Variants in OTUD6A observed in about 807,000 individuals in gnomAD.
OTUD6A encodes the protein OTU domain-containing protein 6A.
For synonymous variants in OTUD6A, 138 were observed against 120.2 expected (o/e 1.15, Z -0.97); for missense variants, 209 against 268.2 (o/e 0.78, Z 1.54).
At position 70,062,569 on chromosome X, in the gene OTUD6A, C is replaced by T. The variant is rs2020453955; in HGVS notation, c.45C>T (p.His15=). The T allele has an allele frequency of 1.7e-6, 2 of 1,207,871 alleles. No individual in the cohort carries two copies. Among genetic ancestry groups the T allele is most frequent in the South Asian group, 3.6e-5 (2 of 56,331 alleles). ...KSEQQRILRR[H]QRERQELQAQ... ...AACAGCAGCGCATACTGCGCCGCCA[C>T]CAACGCGAGAGGCAGGAGCTGCAGG... The change falls in exon 1 of 1, where the codon CAC becomes CAT. Residue 15 remains histidine (H), a synonymous_variant. Transcript: ENST00000338352.
rs757051283 is a variant in OTUD6A, at chrX:70,063,480, C to G, written c.*89C>G. The stretch of plus-strand genomic sequence containing the variant: ...GTTTATTTTCCCCTTTTGCTTTTCT[C>G]TGTTTTTCTTTTCCTTCCTTTTAAT... On this transcript the variant is annotated 3_prime_UTR_variant, in exon 1 of 1. Coordinates refer to ENST00000338352, the MANE Select transcript of OTUD6A (RefSeq NM_207320.3). The G allele has an allele frequency of 1.2e-4, 119 of 1,016,235 alleles. No individual in the cohort carries two copies. Among genetic ancestry groups the G allele is most frequent in the Non-Finnish European group, 1.7e-5 (13 of 773,853 alleles). The allele number at this position is 1,016,235 out of a possible 1,213,427, so 83.7% of individuals were successfully genotyped here. A position where few individuals can be genotyped will look rare whatever the true frequency, so the allele number is the denominator to read the frequency against.
rs756364762 is a variant in OTUD6A, at chrX:70,063,216, C to A, written c.692C>A (p.Thr231Asn). 1.7e-6 allele frequency: 2 copies of A among 1,211,649 alleles called. No individual in the cohort carries two copies. Among genetic ancestry groups the A allele is most frequent in the Non-Finnish European group, 2.2e-6 (2 of 895,598 alleles). Reference sequence around the variant, plus strand: ...AGGGCCCTGTCGCACGTCCTGAAGACCCCCATCGAGGTGATCCAGGCCGAC... The same window carrying A: ...AGGGCCCTGTCGCACGTCCTGAAGAACCCCATCGAGGTGATCCAGGCCGAC... ...ELRALSHVLK[T>N]PIEVIQADSP... Residue 231 changes from threonine (T) to asparagine (N), a missense_variant, in exon 1 of 1, where the codon ACC becomes AAC. Coordinates refer to ENST00000338352, the MANE Select transcript of OTUD6A (RefSeq NM_207320.3).
chrX:70,062,738 A>G lies in OTUD6A; in HGVS notation c.214A>G (p.Ile72Val), dbSNP rs2020455177. Residue 72 changes from isoleucine (I) to valine (V), a missense_variant, in exon 1 of 1, where the codon ATT (isoleucine) becomes GTT (valine). By Grantham distance (29) the Ile-to-Val change is conservative. Coordinates refer to ENST00000338352, the MANE Select transcript of OTUD6A (RefSeq NM_207320.3). Reference protein sequence around the residue: ...ELEKFQDDSSIESVVEDLAKM... With the variant: ...ELEKFQDDSSVESVVEDLAKM... The stretch of plus-strand genomic sequence containing the variant: ...GGAGAAGTTCCAAGACGACAGTAGC[A>G]TTGAATCTGTCGTCGAAGACCTGGC... 1 of 1,208,820 alleles carries G rather than the reference A, an allele frequency of 8.3e-7. No individual in the cohort carries two copies.
In OTUD6A at chrX:70,063,110, G is replaced by A. The variant is rs977311840; in HGVS notation, c.586G>A (p.Asp196Asn). 4 of 1,211,210 alleles carry A rather than the reference G, an allele frequency of 3.3e-6. No individual in the cohort carries two copies. The East Asian group carries it at 8.9e-5, about 27-fold the overall frequency. Residue 196 changes from aspartate (D) to asparagine (N), a missense_variant, in exon 1 of 1, where the codon GAC becomes AAC. Coordinates refer to ENST00000338352, the MANE Select transcript of OTUD6A (RefSeq NM_207320.3). ...LPFFSNPETS[D>N]SFGYDDFMIY... ...CTTCTTCAGCAACCCCGAGACCAGC[G>A]ACTCCTTCGGCTACGACGACTTCAT... is the stretch of plus-strand genomic sequence containing the variant.
chrX:70,062,672 C>T lies in OTUD6A; in HGVS notation c.148C>T (p.Arg50Cys). The T allele has an allele frequency of 2.5e-6, 3 of 1,211,330 alleles. No homozygotes were observed. Among genetic ancestry groups the T allele is most frequent in the East Asian group, 5.9e-5 (2 of 33,818 alleles). ...KRKQLLQDVA[R>C]MEAEMAQKHR... is the part of the protein sequence containing the mutation. ...AAAGCAGTTGCTCCAAGACGTGGCC[C>T]GCATGGAGGCCGAGATGGCTCAGAA... Residue 50 changes from arginine to cysteine, a missense_variant, in exon 1 of 1, where the codon CGC becomes TGC. Arg to Cys is a radical substitution (Grantham distance 180). Transcript: ENST00000338352.
rs1321142018 is a variant in OTUD6A, at chrX:70,062,779, A to G, written c.255A>G (p.Glu85=). The G allele has an allele frequency of 5.8e-6, 7 of 1,208,695 alleles. No homozygotes were observed. The Admixed American group carries it at 8.7e-5, about 15-fold the overall frequency. Residue 85 remains glutamate (E), a synonymous_variant, in exon 1 of 1, where the codon GAA becomes GAG. Coordinates refer to ENST00000338352, the MANE Select transcript of OTUD6A (RefSeq NM_207320.3). Reference sequence around the variant, plus strand: ...AAGACCTGGCCAAGATGAATCTGGAAAACCGGCCTCCCCGCTCCTCCAAAG... The same window carrying G: ...AAGACCTGGCCAAGATGAATCTGGAGAACCGGCCTCCCCGCTCCTCCAAAG... ...VVEDLAKMNL[E]NRPPRSSKAH...
Position 70,063,956 on chromosome X carries a change from G to C in OTUD6A, c.*565G>C, listed in dbSNP as rs1264116743. On this transcript the variant is annotated 3_prime_UTR_variant, in exon 1 of 1. Transcript: ENST00000338352. ...GAGAATCGCTTGACGGGAAGCGGAG[G>C]TTGCAGTGAGCCGAGATCGTGCCTT... 1.3e-4 allele frequency: 15 copies of C among 113,080 alleles called. No individual in the cohort carries two copies. Among genetic ancestry groups the C allele is most frequent in the African/African-American group, 4.5e-4 (14 of 31,061 alleles). 9.3% of individuals were successfully genotyped at this position (113,080 alleles called of 1,213,427 possible).
In OTUD6A at chrX:70,062,729, G is replaced by T. The variant is rs1172156087; in HGVS notation, c.205G>T (p.Asp69Tyr). ...HRQELEKFQD[D>Y]SSIESVVEDL... is the part of the protein sequence containing the mutation. ...GCAGGAGCTGGAGAAGTTCCAAGAC[G>T]ACAGTAGCATTGAATCTGTCGTCGA... The change falls in exon 1 of 1, where the codon GAC becomes TAC. Residue 69 changes from aspartate to tyrosine, a missense_variant. Asp to Tyr is a radical substitution (Grantham distance 160). Coordinates refer to ENST00000338352, the MANE Select transcript of OTUD6A (RefSeq NM_207320.3). 1.7e-6 allele frequency: 2 copies of T among 1,210,620 alleles called. No individual in the cohort carries two copies. Among genetic ancestry groups the T allele is most frequent in the Non-Finnish European group, 2.2e-6 (2 of 894,950 alleles).
Position 70,063,119 on chromosome X carries a change from G to A in OTUD6A, c.595G>A (p.Gly199Ser). The A allele has an allele frequency of 8.3e-7, 1 of 1,210,829 alleles. No individual in the cohort carries two copies. Among genetic ancestry groups the A allele is most frequent in the Non-Finnish European group, 1.1e-6 (1 of 895,394 alleles). Reference protein sequence around the residue: ...FSNPETSDSFGYDDFMIYCDN... With the variant: ...FSNPETSDSFSYDDFMIYCDN... ...CAACCCCGAGACCAGCGACTCCTTC[G>A]GCTACGACGACTTCATGATCTACTG... Residue 199 changes from glycine to serine, a missense_variant, in exon 1 of 1, where the codon GGC becomes AGC. Physicochemically the swap from Gly to Ser is moderately conservative, Grantham distance 56. Coordinates refer to ENST00000338352, the MANE Select transcript of OTUD6A (RefSeq NM_207320.3).
Position 70,062,819 on chromosome X carries a change from G to A in OTUD6A, c.295G>A (p.Glu99Lys). The change falls in exon 1 of 1, where the codon GAA becomes AAA. Residue 99 changes from glutamate to lysine, a missense_variant. Transcript: ENST00000338352. ...PRSSKAHRKRERMESEERERQ... is the reference protein window; with the variant it reads ...PRSSKAHRKRKRMESEERERQ... ...CTCCTCCAAAGCCCACAGAAAGAGA[G>A]AAAGAATGGAGTCCGAGGAGAGGGA... 1.7e-6 allele frequency: 2 copies of A among 1,204,601 alleles called. No homozygotes were observed. Among genetic ancestry groups the A allele is most frequent in the Non-Finnish European group, 2.2e-6 (2 of 891,868 alleles).
Position 70,062,684 on chromosome X carries a change from G to A in OTUD6A, c.160G>A (p.Glu54Lys). 1 of 1,211,719 alleles carries A rather than the reference G, an allele frequency of 8.3e-7. No homozygotes were observed. The highest frequency in any genetic ancestry group is 2.3e-4 in the Middle Eastern group (1 of 4,354). The change falls in exon 1 of 1, where the codon GAG becomes AAG. Residue 54 changes from glutamate to lysine, a missense_variant. Glu to Lys is a moderately conservative substitution (Grantham distance 56). Coordinates refer to ENST00000338352, the MANE Select transcript of OTUD6A (RefSeq NM_207320.3). ...CCAAGACGTGGCCCGCATGGAGGCC[G>A]AGATGGCTCAGAAGCACCGGCAGGA... ...LLQDVARMEA[E>K]MAQKHRQELE...
At position 70,062,965 on chromosome X, in the gene OTUD6A, G is replaced by C. The variant is rs760152639; in HGVS notation, c.441G>C (p.Pro147=). ...GGGGTCTGGAGATGAAAGCGATCCC[G>C]GCCGACGGCCACTGCATGTACCGCG... The part of the protein sequence containing the change: ...GARGLEMKAI[P]ADGHCMYRAI... The change falls in exon 1 of 1, where the codon CCG becomes CCC. Residue 147 remains proline (P), a synonymous_variant. Transcript: ENST00000338352. 1.7e-6 allele frequency: 2 copies of C among 1,204,114 alleles called. No individual in the cohort carries two copies. The highest frequency in any genetic ancestry group is 3.5e-5 in the African/African-American group (2 of 57,056).
Position 70,063,247 on chromosome X carries a change from C to T in OTUD6A, c.723C>T (p.Pro241=). ...TPIEVIQADS[P]TLIIGEEYVK... ...TCGAGGTGATCCAGGCCGACTCGCCCACCTTGATCATCGGGGAGGAGTACG... is the reference window on the plus strand; with the variant it reads ...TCGAGGTGATCCAGGCCGACTCGCCTACCTTGATCATCGGGGAGGAGTACG... The change falls in exon 1 of 1, where the codon CCC becomes CCT. Residue 241 remains proline, a synonymous_variant. Transcript: ENST00000338352. 8.3e-7 allele frequency: 1 copy of T among 1,211,672 alleles called. No homozygotes were observed. The highest frequency in any genetic ancestry group is 1.1e-6 in the Non-Finnish European group (1 of 895,578).
In OTUD6A at chrX:70,063,916, G is replaced by C. The variant is rs189793582; in HGVS notation, c.*525G>C. The C allele has an allele frequency of 3.8e-3, 428 of 113,692 alleles. 1 individual carries two copies. The highest frequency in any genetic ancestry group is 0.013 in the African/African-American group (413 of 31,070). 9.4% of individuals were successfully genotyped at this position (113,692 alleles called of 1,213,427 possible). Reference sequence around the variant, plus strand: ...CAGGCACCTGTAGTCCCAGATACTCGGGAGGCTAAGGCAGGAGAATCGCTT... The same window carrying C: ...CAGGCACCTGTAGTCCCAGATACTCCGGAGGCTAAGGCAGGAGAATCGCTT... On this transcript the variant is annotated 3_prime_UTR_variant, in exon 1 of 1. Coordinates refer to ENST00000338352, the MANE Select transcript of OTUD6A (RefSeq NM_207320.3).
In OTUD6A at chrX:70,063,669, AG is replaced by A; in HGVS notation, c.*281del. 9.4e-6 allele frequency: 3 copies of A among 318,845 alleles called. No individual in the cohort carries two copies. Among genetic ancestry groups the A allele is most frequent in the Non-Finnish European group, 1.7e-5 (3 of 177,681 alleles). The allele number at this position is 318,845 out of a possible 1,213,427, so 26.3% of individuals were successfully genotyped here. ...AAGTTCTAACCTCTTCTTGCCCTTA[AG>A]GGTCTTTTACCTCCCTCACCAACTA... On this transcript the variant is annotated 3_prime_UTR_variant, in exon 1 of 1. Coordinates refer to ENST00000338352, the MANE Select transcript of OTUD6A (RefSeq NM_207320.3).
rs1219517529 is a variant in OTUD6A, at chrX:70,063,068, G to C, written c.544G>C (p.Val182Leu). ...CACCGCCAGCTACATGAAGAAGCAC[G>C]TCGACGAGTTCCTGCCCTTCTTCAG... ...CRTASYMKKH[V>L]DEFLPFFSNP... The change falls in exon 1 of 1, where the codon GTC becomes CTC. Residue 182 changes from valine to leucine, a missense_variant. Val to Leu is a conservative substitution (Grantham distance 32). Transcript: ENST00000338352. 1 of 1,210,279 alleles carries C rather than the reference G, an allele frequency of 8.3e-7. No individual in the cohort carries two copies. Among genetic ancestry groups the C allele is most frequent in the African/African-American group, 1.7e-5 (1 of 57,333 alleles).
Position 70,063,447 on chromosome X carries a change from T to C in OTUD6A, c.*56T>C. Reference sequence around the variant, plus strand: ...TGTCGCCGTCGCCGCATCTCCTCAGTAGGCTCAGTTTATTTTCCCCTTTTG... The same window carrying C: ...TGTCGCCGTCGCCGCATCTCCTCAGCAGGCTCAGTTTATTTTCCCCTTTTG... On this transcript the variant is annotated 3_prime_UTR_variant, in exon 1 of 1. Transcript: ENST00000338352. The C allele has an allele frequency of 9.2e-7, 1 of 1,084,774 alleles. No individual in the cohort carries two copies. The highest frequency in any genetic ancestry group is 1.2e-6 in the Non-Finnish European group (1 of 824,774). 89.4% of individuals were successfully genotyped at this position (1,084,774 alleles called of 1,213,427 possible).
Position 70,063,655 on chromosome X carries a change from TCTTC to T in OTUD6A, c.*265_*268del. 3 of 353,925 alleles carry T rather than the reference TCTTC, an allele frequency of 8.5e-6. No homozygotes were observed. Among genetic ancestry groups the T allele is most frequent in the Non-Finnish European group, 1.5e-5 (3 of 199,935 alleles). The allele number at this position is 353,925 out of a possible 1,213,427, so 29.2% of individuals were successfully genotyped here. On this transcript the variant is annotated 3_prime_UTR_variant, in exon 1 of 1. Coordinates refer to ENST00000338352, the MANE Select transcript of OTUD6A (RefSeq NM_207320.3). ...GGGCATAAATTTGAAAGTTCTAACC[TCTTC>T]TTGCCCTTAAGGGTCTTTTACCTCC...
In OTUD6A at chrX:70,063,355, C is replaced by G; in HGVS notation, c.831C>G (p.Ala277=). 1 of 1,198,947 alleles carries G rather than the reference C, an allele frequency of 8.3e-7. No homozygotes were observed. The highest frequency in any genetic ancestry group is 1.1e-6 in the Non-Finnish European group (1 of 888,640). Residue 277 remains alanine, a synonymous_variant, in exon 1 of 1, where the codon GCC becomes GCG. Coordinates refer to ENST00000338352, the MANE Select transcript of OTUD6A (RefSeq NM_207320.3). ...EHYNSVTPLE[A]GAAGGVLPRL... is the part of the protein sequence containing the mutation. ...ACAACTCCGTGACACCGCTCGAGGC[C>G]GGCGCCGCCGGGGGCGTGCTCCCGC...
Sources: allele counts gnomAD v4.1 joint callset, GRCh38; gene constraint gnomAD v4.1.1; transcripts MANE v1.5; gene names NCBI Gene and HGNC (gene_info 2026-07-23, HGNC 2026-07-21).